Variants in SMARCC1 observed in about 807,000 individuals in gnomAD.
The protein encoded by SMARCC1 is SWI/SNF related BAF chromatin remodeling complex subunit C1, also known as SWI/SNF complex subunit SMARCC1.
In SMARCC1, 43 loss-of-function variants were observed where a neutral mutation model predicts 147.4. The observed-to-expected ratio is 0.29, with a 90% CI of 0.23 to 0.38. SMARCC1 has a LOEUF of 0.38. Ranked by LOEUF, SMARCC1 falls within the 10% of genes least tolerant of loss-of-function variation. SMARCC1 has a pLI of 1.00. For synonymous variants in SMARCC1, 495 were observed against 484.4 expected, an observed-to-expected ratio of 1.02 and a Z score of -0.29; for missense variants, 1,119 against 1,381.1, an observed-to-expected ratio of 0.81 and a Z score of 3.01.
intron 7 of SMARCC1, among the ~76,000 whole-genome samples, chr3:47,714,950 T>C (rs1188807643): frequency 2.0e-5 from 3 of 152,208 alleles, no homozygotes; most frequent in African/African-American, 7.2e-5. Context: ...AGTTCAAGAC[T>C]AAGATCAAAA....
chr3:47,723,355 G>GTTT lies in SMARCC1; in HGVS notation c.647-2623_647-2621dup, dbSNP rs71070218. Among the ~76,000 whole-genome samples the GTTT allele has an allele frequency of 7.9e-3, 847 of 106,636 alleles. 9 individuals carry two copies. The highest frequency in any genetic ancestry group is 0.012 in the Non-Finnish European group (629 of 53,882). 70.0% of individuals were successfully genotyped at this position (106,636 alleles called of 152,430 possible). On this transcript the variant is annotated intron_variant, in intron 6 of 27. Coordinates refer to ENST00000254480, the MANE Select transcript of SMARCC1 (RefSeq NM_003074.4). Reference sequence around the variant, plus strand: ...GAACAGAATTGGGTTTTTTTGTTGGGTTTTTTTTTTTTTTTTTTTTTTTGA... The same window carrying GTTT: ...GAACAGAATTGGGTTTTTTTGTTGGGTTTTTTTTTTTTTTTTTTTTTTTTTTGA...
chr3:47,682,293 T>TC (rs1553683091), intron 14 of SMARCC1, among the ~76,000 whole-genome samples: 1 of 96,802 alleles, frequency 1.0e-5, no homozygotes, highest in Non-Finnish European at 2.3e-5. Flanking sequence ...AGACTCCGTT[T>TC]CAAAAAAAAA....
intron 19 of SMARCC1, chr3:47,663,987 C>T (rs1267168652): frequency 2.4e-5 from 25 of 1,021,190 alleles, no homozygotes; most frequent in Admixed American, 4.9e-5. Context: ...AACCCAGGAG[C>T]AAGCACTGGC....
chr3:47,652,879 T>A (rs1263272999), intron 21 of SMARCC1, among the ~76,000 whole-genome samples: 11 of 151,724 alleles, frequency 7.3e-5, no homozygotes, highest in Admixed American at 3.9e-4. Flanking sequence ...ATTTCCTAAA[T>A]AATTCCTATG....
At chr3:47,664,436 T>C (rs1306088370) in intron 19 of SMARCC1, among the ~76,000 whole-genome samples, 1 of 152,160 alleles carries the variant, frequency 6.6e-6, no homozygotes, top group Non-Finnish European at 1.5e-5. Flanking sequence ...TTAGTAGAAA[T>C]TGATAAACTG....
chr3:47,662,251 G>T (rs1204234031), intron 20 of SMARCC1, 83 bp downstream of exon 20: 13 of 1,135,130 alleles, frequency 1.1e-5, no homozygotes, highest in Admixed American at 2.3e-5. Flanking sequence ...TACATTAAAA[G>T]AAATGAATGT....
rs1292731696 is a variant in SMARCC1 at position 47,652,765 on chromosome 3, TG to T, written c.2320+8528del. ...TGTATGCCTAGAATGGTCCAGTCAA[TG>T]AAAAACAAAAAATATATAAATGTAC... On this transcript the variant is annotated intron_variant, in intron 21 of 27. Coordinates refer to ENST00000254480, the MANE Select transcript of SMARCC1 (RefSeq NM_003074.4). 1.6e-4 allele frequency among the ~76,000 whole-genome samples: 25 copies of T among 152,122 alleles called. No individual in the cohort carries two copies. In the East Asian group the frequency reaches 3.7e-3, roughly 22 times the overall value.
chr3:47,641,593 T>C (rs1321356103), intron 21 of SMARCC1, among the ~76,000 whole-genome samples: 2 of 152,138 alleles, frequency 1.3e-5, no homozygotes, highest in Non-Finnish European at 2.9e-5. Flanking sequence ...TTAGAAATAA[T>C]GATAGGGTTT....
At chr3:47,724,856 T>C (rs1033606424) in intron 6 of SMARCC1, among the ~76,000 whole-genome samples, 1 of 151,950 alleles carries the variant, frequency 6.6e-6, no homozygotes, top group Non-Finnish European at 1.5e-5. Flanking sequence ...GCCCAGGAGT[T>C]TGAAACCAGC....
intron 14 of SMARCC1, among the ~76,000 whole-genome samples, chr3:47,683,896 C>T (rs2033686174): frequency 6.6e-6 from 1 of 151,678 alleles, no homozygotes; most frequent in Non-Finnish European, 1.5e-5. Context: ...CACAGACAAA[C>T]AAAAAGACAA....
intron 26 of SMARCC1, among the ~76,000 whole-genome samples, chr3:47,606,472 G>T (rs981594605): frequency 3.9e-5 from 6 of 152,116 alleles, no homozygotes; most frequent in African/African-American, 1.4e-4. Context: ...TGAGGGGCAT[G>T]GCATACAAAC....
intron 26 of SMARCC1, among the ~76,000 whole-genome samples, chr3:47,600,246 C>G (rs1275523037): frequency 6.6e-6 from 1 of 152,170 alleles, no homozygotes; most frequent in African/African-American, 2.4e-5. Context: ...CTGCTTATGG[C>G]ACCCTGCAAA....
intron 11 of SMARCC1, among the ~76,000 whole-genome samples, chr3:47,698,640 T>C (rs73831525): frequency 7.5e-4 from 114 of 152,066 alleles, no homozygotes; most frequent in African/African-American, 2.6e-3. Flanking sequence ...TTTAACAAAA[T>C]GTGAAAGACC....
At chr3:47,638,982 T>C (rs1213710556) in intron 21 of SMARCC1, among the ~76,000 whole-genome samples, 3 of 152,160 alleles carry the variant, frequency 2.0e-5, no homozygotes, top group Non-Finnish European at 4.4e-5. Flanking sequence ...AAGTAATCTA[T>C]GGTGTCAGCA....
At chr3:47,635,402 T>C (rs768458244) in intron 23 of SMARCC1, 58 bp from the exon 24 acceptor site, 159 of 1,430,138 alleles carry the variant, frequency 1.1e-4, no homozygotes, top group Admixed American at 7.5e-4. Context: ...CCCATCTTTC[T>C]CCTTACCTCC....
chr3:47,703,103 T>G (rs2033946341), intron 10 of SMARCC1, among the ~76,000 whole-genome samples: 1 of 152,122 alleles, frequency 6.6e-6, no homozygotes, highest in South Asian at 2.1e-4. Flanking sequence ...TAATTTTTTT[T>G]TTGTATTTTT....
chr3:47,618,604 T>TA (rs907516212), intron 25 of SMARCC1, among the ~76,000 whole-genome samples: 3 of 151,984 alleles, frequency 2.0e-5, no homozygotes, highest in Non-Finnish European at 4.4e-5. Context: ...AGTAGTTATT[T>TA]AAAAAATAGA....
chr3:47,682,508 C>G (rs1382339334), intron 14 of SMARCC1, among the ~76,000 whole-genome samples: 1 of 152,118 alleles, frequency 6.6e-6, no homozygotes, highest in African/African-American at 2.4e-5. Flanking sequence ...CCACCAGCCT[C>G]AGCCTCTCAA....
At chr3:47,613,012 G>C (rs1236214539) in intron 25 of SMARCC1, among the ~76,000 whole-genome samples, 1 of 152,156 alleles carries the variant, frequency 6.6e-6, no homozygotes, top group Non-Finnish European at 1.5e-5. Flanking sequence ...TCAAGTTGAA[G>C]ACTGCATTCA....
Sources: gnomAD v4.1 joint callset for allele counts (sites outside exome capture counted in the v4.1 genomes callset) on GRCh38, gnomAD v4.1.1 for gene constraint, MANE v1.5 for transcripts, NCBI Gene and HGNC (gene_info 2026-07-23, HGNC 2026-07-21) for gene names.